Variants in AGMO observed in about 807,000 individuals in gnomAD.
AGMO encodes the protein glyceryl-ether monooxygenase.
AGMO carries 75 observed loss-of-function variants against 60.2 expected under a neutral mutation model. That is an observed-to-expected ratio of 1.25 (90% confidence interval 1.03 to 1.51). AGMO has a LOEUF of 1.51. Among genes scored for constraint, AGMO ranks in the 40% most tolerant of loss-of-function variants. The pLI is 0.00. For synonymous variants in AGMO, 261 were observed against 177.1 expected (o/e 1.47, Z -3.76); for missense variants, 763 against 525.5 (o/e 1.45, Z -4.42).
At chr7:15,561,628 A>G (rs1457056075) in intron 1 of AGMO, 92 bp downstream of exon 1, 1 of 1,180,006 alleles carries the variant, frequency 8.5e-7, no homozygotes, top group East Asian at 2.7e-5. Context: ...TCATTTGAAT[A>G]ATGAAAGTGA....
At chr7:15,220,094 A>G (rs146560509) in intron 12 of AGMO, among the ~76,000 whole-genome samples, 191 of 151,692 alleles carry the variant, frequency 1.3e-3, no homozygotes, top group African/African-American at 4.3e-3. Context: ...TTTATACAAT[A>G]TATAATCTCT....
rs182988802 is a variant in AGMO at position 15,420,538 on chromosome 7, C to T, written c.514-1885G>A. Among the ~76,000 whole-genome samples, 584 of 152,144 alleles carry T rather than the reference C, an allele frequency of 3.8e-3. 4 individuals are homozygous for T. Among genetic ancestry groups the T allele is most frequent in the Middle Eastern group, 0.031 (9 of 294 alleles). ...ATAATTTCTTATGATTAATACTGTT[C>T]TAGAAAAAGAATCTAATGACACAAT... On this transcript the variant is annotated intron_variant, in intron 4 of 12. Coordinates refer to ENST00000342526, the MANE Select transcript of AGMO (RefSeq NM_001004320.2).
Position 15,561,753 on chromosome 7 carries a change from T to C in AGMO, c.93A>G (p.Gln31=), listed in dbSNP as rs1333459820. 1 of 1,611,830 alleles carries C rather than the reference T, an allele frequency of 6.2e-7. No homozygotes were observed. The highest frequency in any genetic ancestry group is 1.3e-5 in the African/African-American group (1 of 74,788). ...YTMKPSETSF[Q]TLEEVPDYVK... ...CATAATCAGGCACCTCTTCTAATGT[T>C]TGGAATGAAGTTTCACTGGGTTTCA... Residue 31 remains glutamine (Q), a synonymous_variant, in exon 1 of 13, where the codon CAA becomes CAG. Transcript: ENST00000342526.
intron 3 of AGMO, among the ~76,000 whole-genome samples, chr7:15,481,140 T>G (rs558562143): frequency 6.6e-6 from 1 of 152,286 alleles, no homozygotes; most frequent in African/African-American, 2.4e-5. Context: ...TTAACTTTTT[T>G]TACTGTTTCA....
chr7:15,174,735 C>T, the AGMO span, among the ~76,000 whole-genome samples: 5 of 148,122 alleles, frequency 3.4e-5, no homozygotes, highest in Non-Finnish European at 6.1e-5. Flanking sequence ...CTGGGCACAC[C>T]TATTTTAAAT....
chr7:15,183,125 T>C, the AGMO span, among the ~76,000 whole-genome samples: 1 of 56,580 alleles, frequency 1.8e-5, no homozygotes, highest in South Asian at 9.6e-4. Context: ...TTTGTTCAAG[T>C]ATACTTTTTT....
At chr7:15,523,147 C>T (rs180772628) in intron 3 of AGMO, among the ~76,000 whole-genome samples, 8 of 152,148 alleles carry the variant, frequency 5.3e-5, no homozygotes, top group Non-Finnish European at 1.0e-4. Flanking sequence ...AATGAGATAC[C>T]ATCTCACACC....
chr7:15,230,959 C>T (rs538474165), intron 12 of AGMO, among the ~76,000 whole-genome samples: 2 of 152,302 alleles, frequency 1.3e-5, no homozygotes, highest in African/African-American at 4.8e-5. Context: ...TATTCCACTG[C>T]ACCATTAATG....
chr7:15,249,514 AATG>A (rs1270751073), intron 12 of AGMO, among the ~76,000 whole-genome samples: 3 of 152,144 alleles, frequency 2.0e-5, no homozygotes, highest in Non-Finnish European at 2.9e-5. Flanking sequence ...GTTTTGAGGA[AATG>A]ATGATTTTAA....
the AGMO span, among the ~76,000 whole-genome samples, chr7:15,152,011 A>C: frequency 6.6e-6 from 1 of 152,236 alleles, no homozygotes; most frequent in South Asian, 2.1e-4. Flanking sequence ...AATATTGTCT[A>C]GTTATTTAAG....
intron 5 of AGMO, among the ~76,000 whole-genome samples, chr7:15,414,501 G>C (rs1275549441): frequency 6.8e-6 from 1 of 147,614 alleles, no homozygotes; most frequent in Non-Finnish European, 1.5e-5. Context: ...CACACACAAA[G>C]AGAGGGAGAA....
At chr7:15,493,028 T>G (rs1051301661) in intron 3 of AGMO, among the ~76,000 whole-genome samples, 7 of 152,178 alleles carry the variant, frequency 4.6e-5, no homozygotes, top group African/African-American at 1.7e-4. Context: ...TTCCCATTAT[T>G]TCCTTAGAAT....
At chr7:15,331,610 A>C (rs757852528) in intron 12 of AGMO, among the ~76,000 whole-genome samples, 26 of 152,128 alleles carry the variant, frequency 1.7e-4, no homozygotes, top group Non-Finnish European at 2.5e-4. Flanking sequence ...GAGATAGATT[A>C]TATTTCCCAG....
intron 3 of AGMO, among the ~76,000 whole-genome samples, chr7:15,447,923 A>T (rs1262798665): frequency 1.3e-5 from 2 of 152,310 alleles, no homozygotes; most frequent in African/African-American, 4.8e-5. Context: ...TATATTCACA[A>T]TATCAAGCAG....
the AGMO span, among the ~76,000 whole-genome samples, chr7:15,157,823 C>T: frequency 6.6e-6 from 1 of 152,182 alleles, no homozygotes; most frequent in Admixed American, 6.5e-5. Flanking sequence ...TTCTGTAATA[C>T]TTGCAATAAT....
At chr7:15,211,443 T>C (rs1190897636) in intron 12 of AGMO, among the ~76,000 whole-genome samples, 3 of 151,922 alleles carry the variant, frequency 2.0e-5, no homozygotes, top group African/African-American at 2.4e-5. Flanking sequence ...GCTGGGAAAA[T>C]AGAATTCTGC....
chr7:15,296,921 TA>T (rs1183067044), intron 12 of AGMO, among the ~76,000 whole-genome samples: 1 of 152,176 alleles, frequency 6.6e-6, no homozygotes, highest in African/African-American at 2.4e-5. Flanking sequence ...ATAACCTTCC[TA>T]GGATCCTTCA....
chr7:15,262,628 G>C (rs1783306524), intron 12 of AGMO, among the ~76,000 whole-genome samples: 2 of 151,412 alleles, frequency 1.3e-5, no homozygotes, highest in Non-Finnish European at 2.9e-5. Flanking sequence ...AATTCATATA[G>C]AACCCAAAAA....
intron 3 of AGMO, among the ~76,000 whole-genome samples, chr7:15,480,527 G>A (rs1782721337): frequency 6.6e-6 from 1 of 152,120 alleles, no homozygotes; most frequent in Non-Finnish European, 1.5e-5. Context: ...TAAACAGCAG[G>A]ATGTCATATT....
Sources: gnomAD v4.1 joint callset for allele counts (sites outside exome capture counted in the v4.1 genomes callset) on GRCh38, gnomAD v4.1.1 for gene constraint, MANE v1.5 for transcripts, NCBI Gene and HGNC (gene_info 2026-07-23, HGNC 2026-07-21) for gene names.